The following AP2A1 variants were observed in gnomAD, a reference collection of about 807,000 sequenced individuals.
AP2A1 encodes adaptor related protein complex 2 subunit alpha 1, also known as AP-2 complex subunit alpha-1.
Under a neutral mutation model 107.3 loss-of-function variants are expected in AP2A1, and 21 were observed. That is an observed-to-expected ratio of 0.20 (90% CI 0.14 to 0.28). The LOEUF is 0.28. AP2A1 is among the 10% of genes least tolerant of loss of function. AP2A1 has a pLI of 1.00. For missense variants in AP2A1, 873 were observed against 1,307.7 expected, an observed-to-expected ratio of 0.67 and a Z score of 5.13; for synonymous variants, 602 against 564.8, an observed-to-expected ratio of 1.07 and a Z score of -0.93.
intron 1 of AP2A1, among the ~76,000 whole-genome samples, chr19:49,774,784 C>T (rs908351679): frequency 7.9e-5 from 12 of 151,836 alleles, no homozygotes; most frequent in Admixed American, 6.6e-5. Flanking sequence ...AGCTGGGCCT[C>T]GTGGCACACC....
chr19:49,796,061 T>C (rs1419078593), intron 7 of AP2A1: 1 of 311,354 alleles, frequency 3.2e-6, no homozygotes, highest in East Asian at 7.2e-5. Context: ...GAGAGGGAGC[T>C]CCTGGCCCAG....
rs1351137544 is a variant in AP2A1, at chr19:49,799,310, G to A, written c.966-17G>A. The A allele has an allele frequency of 6.2e-7, 1 of 1,606,696 alleles. No individual in the cohort carries two copies. Among genetic ancestry groups the A allele is most frequent in the African/African-American group, 1.3e-5 (1 of 75,012 alleles). ...CAGTTTCTCTCACCATCCCTCTCTT[G>A]TGGCCCCTGCTGGCAGTGAGCCCAA... On this transcript the variant is annotated splice_polypyrimidine_tract_variant and intron_variant, in intron 8 of 22. Coordinates refer to ENST00000354293, the MANE Select transcript of AP2A1 (RefSeq NM_130787.3).
chr19:49,800,032 T>C lies in AP2A1; in HGVS notation c.1337T>C (p.Ile446Thr). ...GACTACAGCTGGTACGTGGACACCA[T>C]CCTCAACCTCATCCGCATTGCGGGC... is the stretch of plus-strand genomic sequence containing the variant. ...AVDYSWYVDT[I>T]LNLIRIAGDY... Residue 446 changes from isoleucine (I) to threonine (T), a missense_variant, in exon 11 of 23, where the codon ATC becomes ACC. Physicochemically the swap from Ile to Thr is moderately conservative, Grantham distance 89. Around this residue, in one of 4 missense-constraint regions of AP2A1, gnomAD observed 213 missense variants for 443.5 expected, o/e 0.48. Coordinates refer to ENST00000354293, the MANE Select transcript of AP2A1 (RefSeq NM_130787.3). 1 of 1,614,044 alleles carries C rather than the reference T, an allele frequency of 6.2e-7. No homozygotes were observed. The highest frequency in any genetic ancestry group is 8.5e-7 in the Non-Finnish European group (1 of 1,179,880).
In AP2A1 at chr19:49,785,921, A is replaced by T. The variant is rs572930822; in HGVS notation, c.473+3197A>T. 1.2e-3 allele frequency among the ~76,000 whole-genome samples: 182 copies of T among 152,034 alleles called. No individual in the cohort carries two copies. The highest frequency in any genetic ancestry group is 4.2e-3 in the African/African-American group (175 of 41,438). The stretch of plus-strand genomic sequence containing the variant: ...GACAGAGCGAGACTCCATCTCAAAA[A>T]AAAAAAACATTAGTGGGGTGCAGTG... On this transcript the variant is annotated intron_variant, in intron 4 of 22. Transcript: ENST00000354293. The surrounding 1 kb of genome is among the most constrained non-coding windows in gnomAD (Gnocchi z 4.1).
Position 49,781,975 on chromosome 19 carries a change from G to A in AP2A1, c.165G>A (p.Lys55=). The part of the protein sequence containing the change: ...KGDKALDGYS[K]KKYVCKLLFI... ...ACAAAGCCTTGGATGGCTACAGTAA[G>A]AAAAAATATGTGTGTAAACTGCTTT... Residue 55 remains lysine (K), a synonymous_variant, in exon 3 of 23, where the codon AAG becomes AAA. Transcript: ENST00000354293. The A allele has an allele frequency of 1.2e-6, 2 of 1,612,464 alleles. No individual in the cohort carries two copies. The highest frequency in any genetic ancestry group is 1.7e-6 in the Non-Finnish European group (2 of 1,179,224).
intron 1 of AP2A1, among the ~76,000 whole-genome samples, chr19:49,775,585 G>T (rs2084609725): frequency 1.3e-5 from 2 of 152,280 alleles, no homozygotes; most frequent in South Asian, 4.1e-4. Context: ...AAAGTGCTGG[G>T]ATTACAGGTA....
At chr19:49,767,279 G>A in intron 1 of AP2A1, 79 bp downstream of exon 1, 1 of 1,547,096 alleles carries the variant, frequency 6.5e-7, no homozygotes, top group Non-Finnish European at 8.8e-7. Flanking sequence ...ATCACAGAGG[G>A]ACCCGGGGGA....
chr19:49,802,219 CCT>C (rs1381962154), intron 15 of AP2A1, 78 bp downstream of exon 15: 1 of 1,182,322 alleles, frequency 8.5e-7, no homozygotes, highest in African/African-American at 1.5e-5. Flanking sequence ...CCCCGTTTTC[CCT>C]GAGCCCCTCC....
rs1018536660 is a variant in AP2A1 at position 49,767,062 on chromosome 19, C to G, written c.-72C>G. On this transcript the variant is annotated 5_prime_UTR_variant, in exon 1 of 23. Coordinates refer to ENST00000354293, the MANE Select transcript of AP2A1 (RefSeq NM_130787.3). ...GGCGCTGCCTGGGGTCCTTTCCGCC[C>G]GGTCCCCGCTTGCCAGCCCCCGCTG... is the stretch of plus-strand genomic sequence containing the variant. The G allele has an allele frequency of 4.7e-5, 71 of 1,505,692 alleles. No homozygotes were observed. Among genetic ancestry groups the G allele is most frequent in the Non-Finnish European group, 6.2e-5 (70 of 1,124,534 alleles). 93.3% of individuals were successfully genotyped at this position (1,505,692 alleles called of 1,614,324 possible).
At chr19:49,802,753 G>A (rs567175752) in intron 15 of AP2A1, 196 bp from the exon 16 acceptor site, 14 of 1,008,672 alleles carry the variant, frequency 1.4e-5, no homozygotes, top group Admixed American at 1.1e-4. Flanking sequence ...CTGCCGATGC[G>A]GGGGCACGGG....
At chr19:49,792,954 C>A in intron 5 of AP2A1, 37 bp from the exon 6 acceptor site, 1 of 1,540,792 alleles carries the variant, frequency 6.5e-7, no homozygotes, top group Non-Finnish European at 8.8e-7. Context: ...TACCACCTCC[C>A]CCAGGGGCCT....
At chr19:49,791,847 C>A in intron 4 of AP2A1, 88 bp from the exon 5 acceptor site, 1 of 1,494,142 alleles carries the variant, frequency 6.7e-7, no homozygotes, top group Non-Finnish European at 9.0e-7. Flanking sequence ...CTCGCACACC[C>A]TTCCTGGGAG....
intron 4 of AP2A1, among the ~76,000 whole-genome samples, chr19:49,784,516 CAATA>C (rs1171982065): frequency 6.6e-6 from 1 of 152,032 alleles, no homozygotes; most frequent in Non-Finnish European, 1.5e-5. Context: ...TCATATGTTT[CAATA>C]AATAAGAGAA....
chr19:49,782,628 C>A lies in AP2A1; in HGVS notation c.377C>A (p.Thr126Asn). 6.2e-7 allele frequency: 1 copy of A among 1,613,778 alleles called. No homozygotes were observed. The highest frequency in any genetic ancestry group is 8.5e-7 in the Non-Finnish European group (1 of 1,179,816). ...AATGACCTGGCCAGCCGCAACCCCA[C>A]CTTCATGTGCCTGGCCCTGCACTGC... ...IKNDLASRNP[T>N]FMCLALHCIA... is the part of the protein sequence containing the mutation. The change falls in exon 4 of 23, where the codon ACC becomes AAC. Residue 126 changes from threonine (T) to asparagine (N), a missense_variant. This residue lies in a region of AP2A1 where 87 missense variants were observed against 178.2 expected (regional missense o/e 0.49). Transcript: ENST00000354293.
Position 49,801,001 on chromosome 19 carries a change from T to A in AP2A1, c.1496T>A (p.Val499Asp). The change falls in exon 12 of 23, where the codon GTT (valine) becomes GAT (aspartate). Residue 499 changes from valine (V) to aspartate (D), a missense_variant. By Grantham distance (152) the Val-to-Asp change is radical. Transcript: ENST00000354293. ...GCCTGTCACGAGAACATGGTGAAGG[T>A]TGGCGGCTACATCCTTGGGGAGTTT... ...APACHENMVKVGGYILGEFGN... is the reference protein window; with the variant it reads ...APACHENMVKDGGYILGEFGN... 6.2e-7 allele frequency: 1 copy of A among 1,606,778 alleles called. No homozygotes were observed. Among genetic ancestry groups the A allele is most frequent in the Non-Finnish European group, 8.5e-7 (1 of 1,176,912 alleles).
chr19:49,792,911 A>C (rs2073164716), intron 5 of AP2A1, 80 bp from the exon 6 acceptor site: 2 of 1,248,950 alleles, frequency 1.6e-6, no homozygotes, highest in African/African-American at 1.5e-5. Context: ...ACACATCCCG[A>C]CCCTGTCCCG....
At chr19:49,802,637 G>C (rs145828233) in intron 15 of AP2A1, 15,534 of 1,495,826 alleles carry the variant, frequency 0.01, 185 homozygotes, top group South Asian at 0.03. Context: ...GGTCGGGGGG[G>C]CGGACTCGGG....
chr19:49,803,240 G>A, intron 17 of AP2A1, 47 bp from the exon 18 acceptor site: 1 of 1,613,464 alleles, frequency 6.2e-7, no homozygotes, highest in Non-Finnish European at 8.5e-7. Flanking sequence ...CTTGGGGAAG[G>A]GGTCAGAGGG....
At chr19:49,782,171 G>T (rs2084684309) in intron 3 of AP2A1, 82 bp downstream of exon 3, 2 of 1,072,088 alleles carry the variant, frequency 1.9e-6, no homozygotes, top group Non-Finnish European at 2.6e-6. Context: ...TCCTGGATCT[G>T]GGGGAGGAGG....
Sources: allele counts gnomAD v4.1 joint callset (sites outside exome capture counted in the v4.1 genomes callset), GRCh38; gene constraint gnomAD v4.1.1; regional missense constraint gnomAD v4.1.1; non-coding constraint Gnocchi (gnomAD v3.1); transcripts MANE v1.5; gene names NCBI Gene and HGNC (gene_info 2026-07-23, HGNC 2026-07-21).